Variants in CEP95 observed in about 807,000 individuals in gnomAD.
CEP95 encodes centrosomal protein 95.
A neutral mutation model predicts 111.2 loss-of-function variants in CEP95; 98 were observed. The ratio of observed to expected loss-of-function variants is 0.88; its 90% CI spans 0.75 to 1.04. The LOEUF (loss-of-function observed/expected upper bound fraction) is 1.04. Among genes scored for constraint, CEP95 ranks in the 50% least tolerant of loss-of-function variants. CEP95 has a pLI of 0.00. For missense variants in CEP95, 1,027 were observed against 977.2 expected, an observed-to-expected ratio of 1.05 and a Z score of -0.68; for synonymous variants, 323 against 327.1, an observed-to-expected ratio of 0.99 and a Z score of 0.14.
intron 14 of CEP95, 85 bp downstream of exon 14, chr17:64,532,107 T>C: frequency 1.1e-5 from 16 of 1,398,814 alleles, no homozygotes; most frequent in Non-Finnish European, 1.5e-5. Context: ...CACTGAAAGC[T>C]AACATCCACC....
In CEP95 at chr17:64,532,555, G is replaced by T. The variant is rs782053164; in HGVS notation, c.1673-284G>T. On this transcript the variant is annotated intron_variant, in intron 14 of 19. Transcript: ENST00000556440. ...GAAGGTTGAGGAGTCTTGTTTTACC[G>T]TACGTAGAGAATCTACCCACAGGCA... 2.5e-6 allele frequency: 3 copies of T among 1,184,962 alleles called. No individual in the cohort carries two copies. In the African/African-American group the frequency reaches 4.8e-5, roughly 19 times the overall value. The allele number at this position is 1,184,962 out of a possible 1,614,324, so 73.4% of individuals were successfully genotyped here.
chr17:64,519,817 T>A (rs1555677247), intron 6 of CEP95, among the ~76,000 whole-genome samples: 1 of 152,368 alleles, frequency 6.6e-6, no homozygotes, highest in East Asian at 1.9e-4. Flanking sequence ...GCAGTAGCAA[T>A]TTTTCTTCTA....
In CEP95 at chr17:64,533,011, A is replaced by T. The variant is rs1275763679; in HGVS notation, c.1842+3A>T. Reference sequence around the variant, plus strand: ...CAAAGAAGAAACTCCAAGATGAAGTAAGTTACTGTCAGTCTTAAGCATAGG... The same window carrying T: ...CAAAGAAGAAACTCCAAGATGAAGTTAGTTACTGTCAGTCTTAAGCATAGG... On this transcript the variant is annotated splice_donor_region_variant and intron_variant, in intron 15 of 19. Transcript: ENST00000556440. 6.2e-7 allele frequency: 1 copy of T among 1,610,966 alleles called. No homozygotes were observed. Among genetic ancestry groups the T allele is most frequent in the African/African-American group, 1.3e-5 (1 of 74,586 alleles).
intron 8 of CEP95, among the ~76,000 whole-genome samples, 175 bp downstream of exon 8, chr17:64,523,070 G>A (rs1015329982): frequency 6.6e-6 from 1 of 152,084 alleles, no homozygotes; most frequent in African/African-American, 2.4e-5. Flanking sequence ...CAAGCATATT[G>A]CACTAGTCAA....
rs782715059 is a variant in CEP95 at position 64,534,391 on chromosome 17, G to A, written c.1918-194G>A. 1.4e-4 allele frequency: 76 copies of A among 542,658 alleles called. 1 individual carries two copies. The South Asian group carries it at 1.4e-3, about 10-fold the overall frequency. The allele number at this position is 542,658 out of a possible 1,614,324, so 33.6% of individuals were successfully genotyped here. On this transcript the variant is annotated intron_variant, in intron 16 of 19. Coordinates refer to ENST00000556440, the MANE Select transcript of CEP95 (RefSeq NM_138363.3). ...ATCACTGCTGCCCTCTGCTGCAGTG[G>A]GGTGTTATTGGAGCTGCTCTTCAGA... is the stretch of plus-strand genomic sequence containing the variant.
chr17:64,522,697 A>T lies in CEP95; in HGVS notation c.716-5A>T. On this transcript the variant is annotated splice_region_variant and splice_polypyrimidine_tract_variant and intron_variant, in intron 7 of 19. Transcript: ENST00000556440. Reference sequence around the variant, plus strand: ...CGTAATATCCACTTTAATTTGTCTTACTAGCGGAAACCCTTTCTGTGAGTG... The same window carrying T: ...CGTAATATCCACTTTAATTTGTCTTTCTAGCGGAAACCCTTTCTGTGAGTG... 6.2e-7 allele frequency: 1 copy of T among 1,608,532 alleles called. No homozygotes were observed. The highest frequency in any genetic ancestry group is 2.2e-5 in the East Asian group (1 of 44,836).
In CEP95 at chr17:64,531,998, C is replaced by T; in HGVS notation, c.1648C>T (p.Pro550Ser). The change falls in exon 14 of 20, where the codon CCA becomes TCA. Residue 550 changes from proline (P) to serine (S), a missense_variant. By Grantham distance (74) the Pro-to-Ser change is moderately conservative (BLOSUM62 -1). Coordinates refer to ENST00000556440, the MANE Select transcript of CEP95 (RefSeq NM_138363.3). ...TTTQSLRGGL[P>S]KPNKAVPMKV... is the part of the protein sequence containing the mutation. ...AACGCAGAGTCTAAGAGGTGGCCTC[C>T]CAAAGCCAAATAAAGCAGTTCCAAG... is the stretch of plus-strand genomic sequence containing the variant. The T allele has an allele frequency of 6.3e-7, 1 of 1,590,654 alleles. No individual in the cohort carries two copies. The highest frequency in any genetic ancestry group is 8.5e-7 in the Non-Finnish European group (1 of 1,173,582).
At chr17:64,521,639 T>A in intron 7 of CEP95, 112 bp downstream of exon 7, 1 of 851,246 alleles carries the variant, frequency 1.2e-6, no homozygotes, top group African/African-American at 1.8e-5. Context: ...TTTTTGGTCT[T>A]ACATGATCTT....
chr17:64,536,467 T>C (rs1968661636), intron 17 of CEP95, 135 bp from the exon 18 acceptor site: 1 of 586,902 alleles, frequency 1.7e-6, no homozygotes, highest in Non-Finnish European at 2.9e-6. Context: ...GAGGTACATT[T>C]TATGGTATGT....
At chr17:64,534,927 T>C in intron 17 of CEP95, 190 bp downstream of exon 17, 1 of 601,256 alleles carries the variant, frequency 1.7e-6, no homozygotes, top group Non-Finnish European at 3.0e-6. Flanking sequence ...CCGTCCATTC[T>C]CAGTCTCCGT....
At chr17:64,520,150 G>T (rs975765584) in intron 6 of CEP95, among the ~76,000 whole-genome samples, 2 of 151,968 alleles carry the variant, frequency 1.3e-5, no homozygotes, top group African/African-American at 2.4e-5. Context: ...CAGATGGATT[G>T]ATTGGGAATG....
At chr17:64,510,050 G>A (rs2038809810) in intron 2 of CEP95, 123 bp from the exon 3 acceptor site, 2 of 639,858 alleles carry the variant, frequency 3.1e-6, no homozygotes, top group Admixed American at 2.6e-5. Flanking sequence ...GTACTTTACA[G>A]CATGTTCTGT....
rs201962290 is a variant in CEP95 at position 64,508,503 on chromosome 17, TGGG to T, written c.20-84_20-82del. 4.1e-6 allele frequency: 5 copies of T among 1,226,294 alleles called. No homozygotes were observed. In the African/African-American group the frequency reaches 6.2e-5, roughly 15 times the overall value. 76.0% of individuals were successfully genotyped at this position (1,226,294 alleles called of 1,614,324 possible). The stretch of plus-strand genomic sequence containing the variant: ...TGCAAAGTTCAGTGTCTGTTTTTGT[TGGG>T]GGGGAGGTTGTTGGATTTTTTAAAT... On this transcript the variant is annotated intron_variant, in intron 1 of 19. Coordinates refer to ENST00000556440, the MANE Select transcript of CEP95 (RefSeq NM_138363.3).
At position 64,519,319 on chromosome 17, in the gene CEP95, A is replaced by T. The variant is rs1967129627; in HGVS notation, c.474-2A>T. On this transcript the variant is annotated splice_acceptor_variant, in intron 5 of 19. Transcript: ENST00000556440. LOFTEE classifies it high-confidence loss of function. ...CCTGAGTGAAGGAGGGAACTTTTCCAGGTGCTCCTTGTCTTCTGAGATGTT... is the reference window on the plus strand; with the variant it reads ...CCTGAGTGAAGGAGGGAACTTTTCCTGGTGCTCCTTGTCTTCTGAGATGTT... 1.2e-6 allele frequency: 2 copies of T among 1,611,666 alleles called. No homozygotes were observed. The highest frequency in any genetic ancestry group is 3.3e-5 in the Admixed American group (2 of 59,990).
intron 8 of CEP95, 76 bp from the exon 9 acceptor site, chr17:64,525,694 C>T (rs1967757135): frequency 1.1e-6 from 1 of 909,496 alleles, no homozygotes; most frequent in Non-Finnish European, 1.7e-6. Flanking sequence ...CACAGTTCCT[C>T]CCTTCCTCAC....
rs782669504 is a variant in CEP95, at chr17:64,531,009, G to A, written c.1530G>A (p.Glu510=). The change falls in exon 13 of 20, where the codon GAG becomes GAA. Residue 510 remains glutamate, a synonymous_variant. Coordinates refer to ENST00000556440, the MANE Select transcript of CEP95 (RefSeq NM_138363.3). ...GACCTCTAAGAATACATGAGAAGGAGGAGGAAACAGTGGGTAAAAGTCTCC... is the reference window on the plus strand; with the variant it reads ...GACCTCTAAGAATACATGAGAAGGAAGAGGAAACAGTGGGTAAAAGTCTCC... ...NIGPLRIHEK[E]EETEKIYRGE... 2.0e-6 allele frequency: 3 copies of A among 1,538,300 alleles called. No homozygotes were observed. Among genetic ancestry groups the A allele is most frequent in the East Asian group, 2.4e-5 (1 of 41,434 alleles).
rs782292220 is a variant in CEP95 at position 64,537,130 on chromosome 17, A to G, written c.2289+18A>G. 1.2e-6 allele frequency: 2 copies of G among 1,608,302 alleles called. No individual in the cohort carries two copies. The highest frequency in any genetic ancestry group is 1.7e-5 in the Admixed American group (1 of 59,450). ...AGGCCCAGGTAATAATTAAGATAGAAGCCAAGTCATGCACTGCATGGCAAT... is the reference window on the plus strand; with the variant it reads ...AGGCCCAGGTAATAATTAAGATAGAGGCCAAGTCATGCACTGCATGGCAAT... On this transcript the variant is annotated intron_variant, in intron 19 of 19. Transcript: ENST00000556440.
At chr17:64,527,868 G>GTATA (rs565017430) in intron 11 of CEP95, among the ~76,000 whole-genome samples, 57 of 120,702 alleles carry the variant, frequency 4.7e-4, no homozygotes, top group African/African-American at 1.5e-3. Context: ...GTGTGTGTGT[G>GTATA]TGTATATATA....
chr17:64,526,237 T>G (rs781946657), intron 10 of CEP95, 37 bp downstream of exon 10: 1 of 1,558,568 alleles, frequency 6.4e-7, no homozygotes, highest in East Asian at 2.3e-5. Flanking sequence ...GAGATTCCCA[T>G]GGGTTAAGTG....
Sources: allele counts gnomAD v4.1 joint callset (sites outside exome capture counted in the v4.1 genomes callset), GRCh38; gene constraint gnomAD v4.1.1; transcripts MANE v1.5; gene names NCBI Gene and HGNC (gene_info 2026-07-23, HGNC 2026-07-21).